Variants in ANO4 observed in about 807,000 individuals in gnomAD.
The protein encoded by ANO4 is anoctamin-4.
A neutral mutation model predicts 141.9 loss-of-function variants in ANO4; 69 were observed. That is an observed-to-expected ratio of 0.49 (90% CI 0.40 to 0.59). The LOEUF (loss-of-function observed/expected upper bound fraction) is 0.59. Ranked by LOEUF, ANO4 falls within the 20% of genes least tolerant of loss-of-function variation. The probability of loss-of-function intolerance (pLI) is 0.00; values close to 1 mark genes in which losing one functional copy is unlikely to be tolerated. For synonymous variants in ANO4, 350 were observed against 394.3 expected (o/e 0.89, Z 1.33); for missense variants, 894 against 1,162.2 (o/e 0.77, Z 3.36).
chr12:100,822,145 A>T (rs1246703113), intron 1 of ANO4, among the ~76,000 whole-genome samples: 1 of 152,000 alleles, frequency 6.6e-6, no homozygotes, highest in African/African-American at 2.4e-5. Context: ...AGCTCAAGAG[A>T]TGTGGATCTT....
intron 26 of ANO4, among the ~76,000 whole-genome samples, chr12:101,122,241 T>G (rs2137063921): frequency 6.6e-6 from 1 of 152,348 alleles, no homozygotes; most frequent in South Asian, 2.1e-4. Context: ...GGGTTATTTG[T>G]TTTTTACATG....
At chr12:100,905,298 G>A (rs1048678908) in intron 2 of ANO4, among the ~76,000 whole-genome samples, 1 of 152,118 alleles carries the variant, frequency 6.6e-6, no homozygotes, top group African/African-American at 2.4e-5. Flanking sequence ...GTATAAATGG[G>A]GAAGGGAGAG....
intron 14 of ANO4, among the ~76,000 whole-genome samples, chr12:101,062,627 G>A (rs868810006): frequency 2.0e-5 from 3 of 152,350 alleles, no homozygotes; most frequent in African/African-American, 4.8e-5. Flanking sequence ...TAGTGGCTTT[G>A]CCAAGCTGCA....
At chr12:101,112,451 A>C (rs1009277355) in intron 24 of ANO4, among the ~76,000 whole-genome samples, 5 of 152,238 alleles carry the variant, frequency 3.3e-5, no homozygotes, top group Non-Finnish European at 5.9e-5. Flanking sequence ...ATGCTTTAAA[A>C]ATCCCTGTTT....
intron 3 of ANO4, among the ~76,000 whole-genome samples, chr12:100,923,450 T>C (rs2041728141): frequency 6.6e-6 from 1 of 151,874 alleles, no homozygotes; most frequent in Admixed American, 6.6e-5. Context: ...TCCATGCCCC[T>C]GCAAAGAACA....
At chr12:101,019,623 A>T (rs1471914617) in intron 8 of ANO4, among the ~76,000 whole-genome samples, 1 of 152,186 alleles carries the variant, frequency 6.6e-6, no homozygotes, top group Non-Finnish European at 1.5e-5. Flanking sequence ...AGCCAGTTTT[A>T]TATCTTAAAA....
chr12:101,000,194 G>A lies in ANO4; in HGVS notation c.734+12524G>A, dbSNP rs576230070. ...TGGAGAATCTGCAAAGTTGCAGTTG[G>A]TGTGTAATGGGAAAGTTTGAGGTGA... On this transcript the variant is annotated intron_variant, in intron 8 of 27. Transcript: ENST00000392977. 4.1e-4 allele frequency among the ~76,000 whole-genome samples: 62 copies of A among 152,322 alleles called. 1 individual carries two copies. Among genetic ancestry groups the A allele is most frequent in the Non-Finnish European group, 7.9e-4 (54 of 68,030 alleles).
At chr12:100,977,307 C>T (rs1178601995) in intron 7 of ANO4, among the ~76,000 whole-genome samples, 1 of 152,140 alleles carries the variant, frequency 6.6e-6, no homozygotes. Context: ...ACTAACTGTT[C>T]TGAGTTTATC....
chr12:100,719,540 T>C (rs777415539), intron 1 of ANO4, among the ~76,000 whole-genome samples: 3 of 152,208 alleles, frequency 2.0e-5, no homozygotes, highest in Non-Finnish European at 4.4e-5. Flanking sequence ...TTAGGCATCA[T>C]GATGGGGGAT....
At chr12:101,099,804 C>G in intron 22 of ANO4, 84 bp downstream of exon 22, 4 of 1,213,962 alleles carry the variant, frequency 3.3e-6, no homozygotes, top group Non-Finnish European at 4.4e-6. Context: ...CCGTTATCAT[C>G]AAGGTCCTCA....
chr12:100,956,844 C>T (rs654379), intron 5 of ANO4, among the ~76,000 whole-genome samples: 44,413 of 152,134 alleles, frequency 0.29, 7,161 homozygotes, highest in Admixed American at 0.42. Context: ...AGTCTTGATT[C>T]CTTATGTCAC....
At chr12:101,123,412 G>A (rs957503130) in intron 26 of ANO4, among the ~76,000 whole-genome samples, 7 of 152,178 alleles carry the variant, frequency 4.6e-5, no homozygotes, top group East Asian at 1.9e-4. Context: ...AGATCAACCC[G>A]TCACCCAGGT....
rs114556825 is a variant in ANO4, at chr12:100,729,739, T to G, written c.23-4035T>G. ...TAAAATCTAGCCTTTTTGTTTTAAT[T>G]CCAGTAGGTAAGAATACCTTCCTTC... is the stretch of plus-strand genomic sequence containing the variant. On this transcript the variant is annotated intron_variant, in intron 1 of 29. Transcript: ENST00000644049. 7.4e-3 allele frequency among the ~76,000 whole-genome samples: 1,134 copies of G among 152,352 alleles called. 18 individuals carry two copies. The highest frequency in any genetic ancestry group is 0.026 in the African/African-American group (1,084 of 41,584).
chr12:101,049,694 A>G (rs1210449152), intron 14 of ANO4, among the ~76,000 whole-genome samples: 4 of 152,210 alleles, frequency 2.6e-5, no homozygotes, highest in Non-Finnish European at 5.9e-5. Flanking sequence ...GTGGAAACAT[A>G]AAACCTTGTT....
intron 1 of ANO4, among the ~76,000 whole-genome samples, chr12:100,821,590 A>G (rs532668855): frequency 1.6e-4 from 25 of 152,012 alleles, no homozygotes; most frequent in Admixed American, 3.3e-4. Context: ...ATGTAAATTT[A>G]TCACAATATA....
chr12:100,916,367 CTA>C (rs1491215209), intron 2 of ANO4, among the ~76,000 whole-genome samples: 2 of 151,822 alleles, frequency 1.3e-5, no homozygotes, highest in East Asian at 1.9e-4. Flanking sequence ...AAATTGTAGA[CTA>C]AAAAAAAATC....
intron 1 of ANO4, among the ~76,000 whole-genome samples, chr12:100,875,593 C>T (rs1395946230): frequency 1.3e-5 from 2 of 152,196 alleles, no homozygotes; most frequent in East Asian, 1.9e-4. Flanking sequence ...ACCCAATTTC[C>T]TATTGACAAA....
chr12:100,755,492 T>C (rs2032565952), intron 3 of ANO4, among the ~76,000 whole-genome samples: 1 of 152,210 alleles, frequency 6.6e-6, no homozygotes, highest in Non-Finnish European at 1.5e-5. Context: ...TGGATCCCTC[T>C]AGCCTTGTGT....
intron 1 of ANO4, among the ~76,000 whole-genome samples, chr12:100,840,934 T>A (rs1158031656): frequency 6.6e-6 from 1 of 152,144 alleles, no homozygotes; most frequent in Admixed American, 6.5e-5. Context: ...CATGTTGTTT[T>A]TGAGTTAGGT....
Sources: gnomAD v4.1 joint callset for allele counts (sites outside exome capture counted in the v4.1 genomes callset) on GRCh38, gnomAD v4.1.1 for gene constraint, MANE v1.5 for transcripts, NCBI Gene and HGNC (gene_info 2026-07-23, HGNC 2026-07-21) for gene names.